Variants in CAMK1D observed in about 807,000 individuals in gnomAD.
The protein encoded by CAMK1D is calcium/calmodulin-dependent protein kinase type 1D.
A neutral mutation model predicts 47.7 loss-of-function variants in CAMK1D; 9 were observed. That is an observed-to-expected ratio of 0.19 (90% CI 0.11 to 0.33). The LOEUF (loss-of-function observed/expected upper bound fraction) is 0.33, where lower values mean the gene tolerates loss of function less well. Ranked by LOEUF, CAMK1D falls within the 10% of genes least tolerant of loss-of-function variation. The pLI, the probability that CAMK1D is intolerant of heterozygous loss-of-function variation, is 1.00. For missense variants in CAMK1D, 291 were observed against 488.7 expected, an observed-to-expected ratio of 0.60 and a Z score of 3.81; for synonymous variants, 184 against 184.9, an observed-to-expected ratio of 0.99 and a Z score of 0.04.
intron 1 of CAMK1D, among the ~76,000 whole-genome samples, chr10:12,367,598 G>A (rs1837873920): frequency 1.3e-5 from 2 of 151,994 alleles, no homozygotes; most frequent in Admixed American, 6.6e-5. Context: ...AGCCACCTGG[G>A]GGTGATGGGA....
chr10:12,517,323 A>G (rs1835242128), intron 1 of CAMK1D, among the ~76,000 whole-genome samples: 1 of 152,184 alleles, frequency 6.6e-6, no homozygotes, highest in African/African-American at 2.4e-5. Flanking sequence ...TTATCTGCAA[A>G]CAGAGATATA....
intron 2 of CAMK1D, among the ~76,000 whole-genome samples, chr10:12,569,273 T>C (rs958447188): frequency 1.3e-5 from 2 of 152,214 alleles, no homozygotes; most frequent in Non-Finnish European, 2.9e-5. Context: ...ACAACAATCA[T>C]ATCAACATGT....
At chr10:12,588,659 G>A (rs546867721) in intron 2 of CAMK1D, among the ~76,000 whole-genome samples, 1 of 152,030 alleles carries the variant, frequency 6.6e-6, no homozygotes. Context: ...AGTAGAGGGC[G>A]GAAGACTCTG....
At chr10:12,442,024 T>G (rs909140925) in intron 1 of CAMK1D, among the ~76,000 whole-genome samples, 6 of 152,160 alleles carry the variant, frequency 3.9e-5, no homozygotes, top group African/African-American at 1.4e-4. Flanking sequence ...AAAGGAAATG[T>G]GTATTTTTCA....
chr10:12,759,232 C>G (rs186342911), intron 3 of CAMK1D, among the ~76,000 whole-genome samples: 2 of 152,224 alleles, frequency 1.3e-5, no homozygotes, highest in East Asian at 3.9e-4. Flanking sequence ...ACCTGTGGTC[C>G]CAGCTACTCA....
chr10:12,473,467 C>T (rs1333025747), intron 1 of CAMK1D, among the ~76,000 whole-genome samples: 1 of 152,100 alleles, frequency 6.6e-6, no homozygotes, highest in Non-Finnish European at 1.5e-5. Context: ...ATAATGAACC[C>T]TTTCATAGTC....
In CAMK1D at chr10:12,637,358, G is replaced by A. The variant is rs1350155473; in HGVS notation, c.225-29378G>A. On this transcript the variant is annotated intron_variant, in intron 2 of 10. Transcript: ENST00000619168. The stretch of plus-strand genomic sequence containing the variant: ...ACTTCTAGAACATTCTCCCTCTCTC[G>A]AAAGTCATGCGTTTGTTCTCAACTC... Among the ~76,000 whole-genome samples the A allele has an allele frequency of 2.6e-5, 4 of 152,122 alleles. No homozygotes were observed. The South Asian group carries it at 6.2e-4, about 24-fold the overall frequency.
chr10:12,810,168 A>G (rs917917807), intron 6 of CAMK1D, among the ~76,000 whole-genome samples: 2 of 148,672 alleles, frequency 1.3e-5, no homozygotes, highest in Non-Finnish European at 3.0e-5. Context: ...AAAAAAAAAA[A>G]GGCGTTAGGA....
At chr10:12,779,009 A>T (rs747338812) in intron 5 of CAMK1D, among the ~76,000 whole-genome samples, 1 of 152,196 alleles carries the variant, frequency 6.6e-6, no homozygotes, top group Non-Finnish European at 1.5e-5. Context: ...AGGCAGGGGG[A>T]GCAGAGGCCC....
chr10:12,570,024 A>T (rs903710779), intron 2 of CAMK1D, among the ~76,000 whole-genome samples: 32 of 151,894 alleles, frequency 2.1e-4, no homozygotes, highest in Non-Finnish European at 4.0e-4. Flanking sequence ...ATATGGTGAA[A>T]CCGCATCTCA....
At chr10:12,523,871 G>A (rs1453287638) in intron 1 of CAMK1D, among the ~76,000 whole-genome samples, 1 of 152,082 alleles carries the variant, frequency 6.6e-6, no homozygotes, top group African/African-American at 2.4e-5. Flanking sequence ...GTGTTTATGT[G>A]TGTGTGTTTT....
chr10:12,700,980 A>G (rs1833494886), intron 3 of CAMK1D, among the ~76,000 whole-genome samples: 1 of 152,244 alleles, frequency 6.6e-6, no homozygotes, highest in Non-Finnish European at 1.5e-5. Context: ...TTTCCAGTCT[A>G]AAGGTCAGTG....
intron 2 of CAMK1D, among the ~76,000 whole-genome samples, chr10:12,618,338 T>A (rs1838887173): frequency 6.6e-6 from 1 of 152,266 alleles, no homozygotes; most frequent in Non-Finnish European, 1.5e-5. Flanking sequence ...TTCATTCTGT[T>A]GCTTCGCACT....
chr10:12,644,525 G>C (rs1466482128), intron 2 of CAMK1D, among the ~76,000 whole-genome samples: 2 of 152,106 alleles, frequency 1.3e-5, no homozygotes, highest in East Asian at 3.9e-4. Context: ...GCTCTTCTTA[G>C]TTTTCTCTCC....
At chr10:12,528,047 T>A (rs989641604) in intron 1 of CAMK1D, among the ~76,000 whole-genome samples, 5 of 152,260 alleles carry the variant, frequency 3.3e-5, no homozygotes, top group African/African-American at 1.2e-4. Context: ...GACACTGTTC[T>A]GAGCATTATG....
intron 1 of CAMK1D, among the ~76,000 whole-genome samples, chr10:12,410,283 C>CTG (rs200604548): frequency 2.0e-5 from 3 of 151,972 alleles, no homozygotes; most frequent in Admixed American, 6.6e-5. Flanking sequence ...CTGTCTCTTT[C>CTG]TGTGTGTGTG....
At chr10:12,657,922 G>A (rs769961939) in intron 2 of CAMK1D, among the ~76,000 whole-genome samples, 7 of 152,112 alleles carry the variant, frequency 4.6e-5, no homozygotes, top group South Asian at 4.1e-4. Context: ...AGGCTGAGGC[G>A]GGCGGATCAA....
intron 2 of CAMK1D, among the ~76,000 whole-genome samples, chr10:12,575,078 TTTTTTTC>T (rs1381471358): frequency 6.6e-6 from 1 of 151,972 alleles, no homozygotes; most frequent in East Asian, 1.9e-4. Flanking sequence ...ATCACTCCTA[TTTTTTTC>T]TTTTTTCTTT....
At chr10:12,474,783 T>C (rs1036432783) in intron 1 of CAMK1D, among the ~76,000 whole-genome samples, 1 of 152,096 alleles carries the variant, frequency 6.6e-6, no homozygotes, top group African/African-American at 2.4e-5. Context: ...GTATCCGTTG[T>C]TCCCCTCAAG....
Sources: gnomAD v4.1 joint callset for allele counts (sites outside exome capture counted in the v4.1 genomes callset) on GRCh38, gnomAD v4.1.1 for gene constraint, MANE v1.5 for transcripts, NCBI Gene and HGNC (gene_info 2026-07-23, HGNC 2026-07-21) for gene names.